KLHL18: variants seen among roughly 807,000 people sequenced by gnomAD.
KLHL18 encodes kelch like family member 18, also known as kelch-like protein 18.
In KLHL18, 38 loss-of-function variants were observed where a neutral mutation model predicts 58.5. That is an observed-to-expected ratio of 0.65 (90% CI 0.50 to 0.85). The LOEUF is 0.85. Among genes scored for constraint, KLHL18 ranks in the 40% least tolerant of loss-of-function variants. The pLI, the probability that KLHL18 is intolerant of heterozygous loss-of-function variation, is 0.00. For synonymous variants in KLHL18, 303 were observed against 301.9 expected (o/e 1.00, Z -0.04); for missense variants, 624 against 778.4 (o/e 0.80, Z 2.36).
At chr3:47,316,651 GTA>G (rs71098475) in intron 1 of KLHL18, among the ~76,000 whole-genome samples, 1 of 92,686 alleles carries the variant, frequency 1.1e-5, no homozygotes, top group Admixed American at 1.1e-4. Flanking sequence ...ATATGTGTGT[GTA>G]TATATACATA....
At chr3:47,319,591 TGTTTG>T in intron 1 of KLHL18, 57 bp from the exon 2 acceptor site, 2 of 1,477,734 alleles carry the variant, frequency 1.4e-6, no homozygotes, top group Admixed American at 1.9e-5. Context: ...TGGGTTTTTT[TGTTTG>T]TTTGTTTTTG....
chr3:47,306,588 G>A (rs1418150980), intron 1 of KLHL18, among the ~76,000 whole-genome samples: 1 of 152,130 alleles, frequency 6.6e-6, no homozygotes, highest in Non-Finnish European at 1.5e-5. Context: ...GAATAGTGAT[G>A]TAAACATTTT....
intron 1 of KLHL18, among the ~76,000 whole-genome samples, chr3:47,317,577 A>G (rs935560034): frequency 6.6e-6 from 1 of 152,208 alleles, no homozygotes; most frequent in Admixed American, 6.5e-5. Flanking sequence ...CAACTGATAG[A>G]GTACCTGACT....
chr3:47,329,449 G>C (rs1258704439), intron 3 of KLHL18, among the ~76,000 whole-genome samples: 1 of 152,106 alleles, frequency 6.6e-6, no homozygotes, highest in African/African-American at 2.4e-5. Context: ...GGATGGTCTT[G>C]ATCTCGTGAC....
intron 1 of KLHL18, among the ~76,000 whole-genome samples, chr3:47,319,309 T>C (rs1217139690): frequency 6.6e-6 from 1 of 152,176 alleles, no homozygotes; most frequent in Admixed American, 6.5e-5. Context: ...AGGAATCAGG[T>C]ATTTGAGTTG....
intron 3 of KLHL18, among the ~76,000 whole-genome samples, chr3:47,326,977 G>A (rs1703739007): frequency 6.6e-6 from 1 of 151,688 alleles, no homozygotes; most frequent in Admixed American, 6.6e-5. Flanking sequence ...GGTGGCTCAC[G>A]CTTGTTATCC....
chr3:47,284,179 T>C (rs1258224001), intron 1 of KLHL18, among the ~76,000 whole-genome samples: 2 of 151,628 alleles, frequency 1.3e-5, no homozygotes, highest in Non-Finnish European at 2.9e-5. Context: ...CTGCAGTGAG[T>C]TGTAATCACA....
intron 4 of KLHL18, among the ~76,000 whole-genome samples, chr3:47,332,830 G>A (rs1473516527): frequency 6.6e-6 from 1 of 152,086 alleles, no homozygotes; most frequent in East Asian, 1.9e-4. Flanking sequence ...CCTTGCCGGA[G>A]TACAGAGAGG....
At chr3:47,336,794 C>G in intron 7 of KLHL18, 37 bp downstream of exon 7, 2 of 1,515,692 alleles carry the variant, frequency 1.3e-6, no homozygotes, top group Non-Finnish European at 9.2e-7. Context: ...AACATACACA[C>G]TGAGCACCTG....
intron 1 of KLHL18, among the ~76,000 whole-genome samples, chr3:47,309,250 C>A (rs1329630377): frequency 6.6e-6 from 1 of 152,200 alleles, no homozygotes; most frequent in African/African-American, 2.4e-5. Context: ...AAACCGCCAT[C>A]GTCATCATGG....
chr3:47,329,951 G>A lies in KLHL18; in HGVS notation c.402G>A (p.Arg134=). Residue 134 remains arginine, a splice_region_variant and synonymous_variant, in exon 4 of 10, where the codon CGG becomes CGA. Coordinates refer to ENST00000232766, the MANE Select transcript of KLHL18 (RefSeq NM_025010.5). ...KDACCTFLRE[R]LHPKNCLGVR... Reference sequence around the variant, plus strand: ...TTTTTTTTCTTTCCTTATGCCAAAGGCTTCACCCAAAAAACTGCCTGGGTG... The same window carrying A: ...TTTTTTTTCTTTCCTTATGCCAAAGACTTCACCCAAAAAACTGCCTGGGTG... 2 of 1,613,542 alleles carry A rather than the reference G, an allele frequency of 1.2e-6. No homozygotes were observed. Among genetic ancestry groups the A allele is most frequent in the Non-Finnish European group, 1.7e-6 (2 of 1,179,804 alleles).
intron 1 of KLHL18, among the ~76,000 whole-genome samples, chr3:47,301,106 T>G (rs542190858): frequency 1.3e-5 from 2 of 152,298 alleles, no homozygotes; most frequent in South Asian, 4.1e-4. Flanking sequence ...GTTTTTAGAG[T>G]TCTTTACATA....
chr3:47,291,268 C>T (rs1320527537), intron 1 of KLHL18, among the ~76,000 whole-genome samples: 7 of 152,190 alleles, frequency 4.6e-5, no homozygotes, highest in South Asian at 2.1e-4. Context: ...ATGGCAGCTA[C>T]CTTTCTACTT....
intron 1 of KLHL18, among the ~76,000 whole-genome samples, chr3:47,301,347 G>A (rs1703020909): frequency 4.0e-5 from 6 of 151,870 alleles, no homozygotes; most frequent in Admixed American, 3.9e-4. Flanking sequence ...AAGTTTTATA[G>A]TTTTAAGTTT....
chr3:47,312,561 T>C (rs1703326960), intron 1 of KLHL18, among the ~76,000 whole-genome samples: 1 of 152,216 alleles, frequency 6.6e-6, no homozygotes, highest in Non-Finnish European at 1.5e-5. Context: ...TTTGAGGTAA[T>C]TGCAGATCAG....
intron 1 of KLHL18, among the ~76,000 whole-genome samples, chr3:47,308,288 G>A (rs1396074520): frequency 5.9e-5 from 9 of 151,950 alleles, no homozygotes; most frequent in Non-Finnish European, 1.3e-4. Flanking sequence ...ACACGTGCAA[G>A]TTTGTTACAT....
chr3:47,307,717 A>G (rs915460791), intron 1 of KLHL18, among the ~76,000 whole-genome samples: 1 of 152,054 alleles, frequency 6.6e-6, no homozygotes, highest in Non-Finnish European at 1.5e-5. Context: ...TCTGGAATTG[A>G]TTTTGGAGTG....
intron 4 of KLHL18, among the ~76,000 whole-genome samples, chr3:47,331,120 GGTT>G (rs1476143846): frequency 1.3e-5 from 2 of 151,906 alleles, no homozygotes; most frequent in African/African-American, 2.4e-5. Context: ...AATCAAGAGG[GGTT>G]GTTGTTTGTT....
At chr3:47,339,732 T>G (rs915203529) in intron 7 of KLHL18, among the ~76,000 whole-genome samples, 4 of 152,168 alleles carry the variant, frequency 2.6e-5, no homozygotes, top group South Asian at 4.1e-4. Context: ...GAAGGCCCTT[T>G]CCTGTCTTCC....
Sources: gnomAD v4.1 joint callset for allele counts (sites outside exome capture counted in the v4.1 genomes callset) on GRCh38, gnomAD v4.1.1 for gene constraint, MANE v1.5 for transcripts, NCBI Gene and HGNC (gene_info 2026-07-23, HGNC 2026-07-21) for gene names.